The following PLEKHA2 variants were observed in gnomAD, a reference collection of about 807,000 sequenced individuals.
PLEKHA2 encodes the protein pleckstrin homology domain-containing family A member 2.
Under a neutral mutation model 53.2 loss-of-function variants are expected in PLEKHA2, and 28 were observed. The observed-to-expected ratio is 0.53, with a 90% CI of 0.39 to 0.72. PLEKHA2 has a LOEUF of 0.72. Among genes scored for constraint, PLEKHA2 ranks in the 30% least tolerant of loss-of-function variants. The pLI is 0.00. For missense variants in PLEKHA2, 426 were observed against 537.9 expected (o/e 0.79, Z 2.06); for synonymous variants, 193 against 196.4 (o/e 0.98, Z 0.14).
chr8:38,901,384 C>A lies in PLEKHA2; in HGVS notation c.-85C>A, dbSNP rs1227931960. ...CCTGGAGCGCGGCGGACCCGGCGGC[C>A]GGAGGGGCGACCCCGCCCGATGTAA... On this transcript the variant is annotated 5_prime_UTR_variant, in exon 1 of 12. Coordinates refer to ENST00000617275, the MANE Select transcript of PLEKHA2 (RefSeq NM_021623.2). The A allele has an allele frequency of 1.3e-5, 2 of 151,796 alleles. No homozygotes were observed. Among genetic ancestry groups the A allele is most frequent in the African/African-American group, 4.8e-5 (2 of 41,252 alleles). 9.4% of individuals were successfully genotyped at this position (151,796 alleles called of 1,614,324 possible). A position where few individuals can be genotyped will look rare whatever the true frequency, so the allele number is the denominator to read the frequency against.
Position 38,951,048 on chromosome 8 carries a change from G to C in PLEKHA2, c.486+58G>C, listed in dbSNP as rs1268930406. 4 of 1,456,070 alleles carry C rather than the reference G, an allele frequency of 2.7e-6. No individual in the cohort carries two copies. In the African/African-American group the frequency reaches 5.7e-5, roughly 21 times the overall value. The allele number at this position is 1,456,070 out of a possible 1,614,324, so 90.2% of individuals were successfully genotyped here. On this transcript the variant is annotated intron_variant, in intron 6 of 11. Transcript: ENST00000617275. ...GGGGGTGTGGAAGTGTCCATGGTGT[G>C]CCCATGATGTGCTCGGAGCACTGTA...
intron 2 of PLEKHA2, among the ~76,000 whole-genome samples, chr8:38,928,770 A>G (rs1278037417): frequency 6.6e-6 from 1 of 152,208 alleles, no homozygotes; most frequent in Non-Finnish European, 1.5e-5. Flanking sequence ...AAGATTAAAT[A>G]CACACTTTGA....
At chr8:38,940,985 C>A (rs533366046) in intron 3 of PLEKHA2, among the ~76,000 whole-genome samples, 1 of 151,572 alleles carries the variant, frequency 6.6e-6, no homozygotes, top group African/African-American at 2.4e-5. Context: ...TTGTAACTGG[C>A]TCTAATTTCT....
intron 4 of PLEKHA2, among the ~76,000 whole-genome samples, chr8:38,945,135 A>G (rs570765098): frequency 1.8e-4 from 27 of 152,316 alleles, no homozygotes; most frequent in African/African-American, 3.8e-4. Context: ...TCCATCATCA[A>G]ATAGTTACTT....
intron 1 of PLEKHA2, among the ~76,000 whole-genome samples, chr8:38,916,129 C>T (rs532121140): frequency 6.6e-6 from 1 of 152,238 alleles, no homozygotes; most frequent in African/African-American, 2.4e-5. Flanking sequence ...GCATGCGCCA[C>T]CACGACTGGC....
intron 11 of PLEKHA2, among the ~76,000 whole-genome samples, 171 bp from the exon 12 acceptor site, chr8:38,969,250 G>C (rs9987222): frequency 0.45 from 68,501 of 151,996 alleles, 15,771 homozygotes; most frequent in East Asian, 0.75. Context: ...CCAGGCTGAC[G>C]TTGACACATT....
chr8:38,952,825 T>C (rs551525193), intron 8 of PLEKHA2, 121 bp downstream of exon 8: 29 of 946,756 alleles, frequency 3.1e-5, no homozygotes, highest in Non-Finnish European at 4.7e-5. Context: ...CAAAGGCGCC[T>C]CTGTCTTATC....
At chr8:38,942,455 A>G (rs1172720767) in intron 3 of PLEKHA2, among the ~76,000 whole-genome samples, 1 of 152,172 alleles carries the variant, frequency 6.6e-6, no homozygotes, top group African/African-American at 2.4e-5. Context: ...AGAAAACCCA[A>G]AAAAACCCCA....
chr8:38,970,521 G>A lies in PLEKHA2; in HGVS notation c.*738G>A. 1 of 163,348 alleles carries A rather than the reference G, an allele frequency of 6.1e-6. No homozygotes were observed. The highest frequency in any genetic ancestry group is 1.4e-5 in the Non-Finnish European group (1 of 73,954). The allele number at this position is 163,348 out of a possible 1,614,324, so 10.1% of individuals were successfully genotyped here. On this transcript the variant is annotated 3_prime_UTR_variant, in exon 12 of 12. Coordinates refer to ENST00000617275, the MANE Select transcript of PLEKHA2 (RefSeq NM_021623.2). ...GCCTAGAAAATTGAGTTTTGAGCGG[G>A]CATGGTGGCTCACGCCTGTAATGCC...
intron 3 of PLEKHA2, among the ~76,000 whole-genome samples, chr8:38,940,656 G>A (rs117674543): frequency 4.7e-5 from 5 of 107,218 alleles, no homozygotes; most frequent in South Asian, 3.9e-4. Flanking sequence ...GGGGCGGGGG[G>A]GGGGGGTCAG....
chr8:38,926,899 G>A (rs6998653), intron 2 of PLEKHA2, among the ~76,000 whole-genome samples: 1 of 152,102 alleles, frequency 6.6e-6, no homozygotes, highest in Non-Finnish European at 1.5e-5. Context: ...TGGGTAACAA[G>A]AGCGAGACTC....
At chr8:38,949,405 T>C (rs1488594268) in intron 5 of PLEKHA2, among the ~76,000 whole-genome samples, 2 of 152,190 alleles carry the variant, frequency 1.3e-5, no homozygotes, top group Non-Finnish European at 2.9e-5. Flanking sequence ...GCAAACACAA[T>C]GTATTTTCTA....
At chr8:38,955,978 GT>G (rs1297832585) in intron 9 of PLEKHA2, among the ~76,000 whole-genome samples, 3 of 152,040 alleles carry the variant, frequency 2.0e-5, no homozygotes, top group African/African-American at 4.8e-5. Context: ...ACCTGACTCA[GT>G]TTTGTATTTT....
At chr8:38,907,193 G>GA (rs1417131401) in intron 1 of PLEKHA2, among the ~76,000 whole-genome samples, 1 of 152,162 alleles carries the variant, frequency 6.6e-6, no homozygotes, top group African/African-American at 2.4e-5. Flanking sequence ...TGCTAACACA[G>GA]AATGTGAAAG....
chr8:38,941,414 G>A (rs773476944), intron 3 of PLEKHA2, among the ~76,000 whole-genome samples: 4 of 152,162 alleles, frequency 2.6e-5, no homozygotes, highest in Non-Finnish European at 4.4e-5. Flanking sequence ...AATTAATGAC[G>A]TTTACTTGAC....
At chr8:38,933,386 C>T (rs1357575776) in intron 2 of PLEKHA2, among the ~76,000 whole-genome samples, 3 of 152,168 alleles carry the variant, frequency 2.0e-5, no homozygotes, top group Non-Finnish European at 4.4e-5. Context: ...AATGTCACAG[C>T]TAGAATTCCA....
chr8:38,964,505 C>T (rs574784862), intron 10 of PLEKHA2, among the ~76,000 whole-genome samples: 115 of 152,152 alleles, frequency 7.6e-4, no homozygotes, highest in African/African-American at 2.5e-3. Flanking sequence ...AGTTTCATCC[C>T]GAAACCACCC....
At chr8:38,965,854 G>A (rs555000849) in intron 10 of PLEKHA2, among the ~76,000 whole-genome samples, 1 of 151,978 alleles carries the variant, frequency 6.6e-6, no homozygotes, top group Admixed American at 6.6e-5. Context: ...CTGTGCGTTC[G>A]GCCCTGTTTC....
intron 10 of PLEKHA2, among the ~76,000 whole-genome samples, chr8:38,966,984 T>C (rs895812133): frequency 2.0e-5 from 3 of 151,116 alleles, no homozygotes; most frequent in African/African-American, 7.3e-5. Flanking sequence ...GACAATTATT[T>C]CACACCCTAT....
Sources: allele counts gnomAD v4.1 joint callset (sites outside exome capture counted in the v4.1 genomes callset), GRCh38; gene constraint gnomAD v4.1.1; transcripts MANE v1.5; gene names NCBI Gene and HGNC (gene_info 2026-07-23, HGNC 2026-07-21).